The following SETD5 variants were observed in gnomAD, a reference collection of about 807,000 sequenced individuals.
The protein encoded by SETD5 is SET domain containing 5.
A neutral mutation model predicts 153.3 loss-of-function variants in SETD5; 44 were observed. The observed-to-expected ratio is 0.29, with a 90% CI of 0.23 to 0.37. The LOEUF is 0.37. SETD5 is among the 10% of genes least tolerant of loss of function. The probability of loss-of-function intolerance (pLI) is 1.00; values close to 1 mark genes in which losing one functional copy is unlikely to be tolerated. For missense variants in SETD5, 1,544 were observed against 1,768.0 expected, an observed-to-expected ratio of 0.87 and a Z score of 2.27; for synonymous variants, 716 against 645.2, an observed-to-expected ratio of 1.11 and a Z score of -1.66.
intron 1 of SETD5, among the ~76,000 whole-genome samples, chr3:9,401,336 A>G (rs2034738842): frequency 6.6e-6 from 1 of 152,238 alleles, no homozygotes. Context: ...TTAAGTTGCT[A>G]TATAAAATAA....
At chr3:9,460,498 A>G (rs2043827163) in intron 17 of SETD5, among the ~76,000 whole-genome samples, 1 of 151,644 alleles carries the variant, frequency 6.6e-6, no homozygotes, top group South Asian at 2.1e-4. Context: ...TTGCTAGAAT[A>G]GCTAAAATAT....
intron 1 of SETD5, among the ~76,000 whole-genome samples, chr3:9,405,368 C>T (rs1315342221): frequency 6.6e-6 from 1 of 152,026 alleles, no homozygotes; most frequent in African/African-American, 2.4e-5. Context: ...AAAAATTAGA[C>T]CTCTATGTAT....
chr3:9,417,501 C>G (rs1230305173), intron 1 of SETD5, among the ~76,000 whole-genome samples: 1 of 150,970 alleles, frequency 6.6e-6, no homozygotes, highest in Non-Finnish European at 1.5e-5. Flanking sequence ...TTTTTTTCCC[C>G]CCGAGACGGA....
chr3:9,463,042 A>G (rs2044168839), intron 17 of SETD5, among the ~76,000 whole-genome samples: 1 of 151,824 alleles, frequency 6.6e-6, no homozygotes, highest in Non-Finnish European at 1.5e-5. Context: ...GTTTTGAGAC[A>G]GTCTCCTCCC....
chr3:9,443,201 A>G (rs762891973), intron 10 of SETD5, 107 bp from the exon 11 acceptor site: 8 of 807,474 alleles, frequency 9.9e-6, no homozygotes, highest in South Asian at 1.5e-5. Flanking sequence ...CCTTAAATAA[A>G]TAATAGATTA....
intron 13 of SETD5, among the ~76,000 whole-genome samples, chr3:9,446,454 T>G (rs2042020443): frequency 6.6e-6 from 1 of 152,034 alleles, no homozygotes; most frequent in African/African-American, 2.4e-5. Flanking sequence ...ACTTTTATGC[T>G]GAAACCAATC....
At chr3:9,451,032 CATTT>C (rs1227876898) in intron 16 of SETD5, among the ~76,000 whole-genome samples, 2 of 152,090 alleles carry the variant, frequency 1.3e-5, no homozygotes, top group Non-Finnish European at 2.9e-5. Flanking sequence ...ATTTTAAAAA[CATTT>C]ATAAGTGGCC....
intron 1 of SETD5, among the ~76,000 whole-genome samples, chr3:9,411,157 CTT>C (rs2036517853): frequency 6.6e-6 from 1 of 152,122 alleles, no homozygotes; most frequent in African/African-American, 2.4e-5. Context: ...AATTCTCTCT[CTT>C]GAAATGCCAG....
At chr3:9,454,613 A>C (rs2042994205) in intron 17 of SETD5, among the ~76,000 whole-genome samples, 1 of 128,988 alleles carries the variant, frequency 7.8e-6, no homozygotes, top group African/African-American at 3.0e-5. Context: ...CAAGAATGAA[A>C]CTCCGTCTCA....
chr3:9,438,466 A>G (rs528277174), intron 7 of SETD5, among the ~76,000 whole-genome samples: 1 of 151,980 alleles, frequency 6.6e-6, no homozygotes, highest in East Asian at 1.9e-4. Flanking sequence ...CTGCACATAA[A>G]CCCCATATTT....
chr3:9,455,765 A>T (rs987205770), intron 17 of SETD5, among the ~76,000 whole-genome samples: 3 of 152,120 alleles, frequency 2.0e-5, no homozygotes, highest in African/African-American at 7.2e-5. Flanking sequence ...GGAACAGGAG[A>T]TTGCATAGCA....
intron 17 of SETD5, 171 bp downstream of exon 17, chr3:9,454,039 TC>T: frequency 1.5e-6 from 1 of 682,298 alleles, no homozygotes; most frequent in Non-Finnish European, 2.1e-6. Flanking sequence ...GGATCAGTTT[TC>T]CCAGGACGAC....
chr3:9,456,723 C>G (rs2043293184), intron 17 of SETD5, among the ~76,000 whole-genome samples: 1 of 152,050 alleles, frequency 6.6e-6, no homozygotes, highest in African/African-American at 2.4e-5. Flanking sequence ...GCCTGTAATC[C>G]CAGCACTTTG....
intron 20 of SETD5, 94 bp from the exon 21 acceptor site, chr3:9,474,355 G>C (rs534433889): frequency 1.4e-6 from 2 of 1,385,250 alleles, no homozygotes; most frequent in Non-Finnish European, 2.0e-6. Flanking sequence ...ATGTTTAAGA[G>C]GATGTTTTAA....
intron 1 of SETD5, among the ~76,000 whole-genome samples, chr3:9,399,443 T>C (rs953579762): frequency 1.3e-5 from 2 of 152,106 alleles, no homozygotes; most frequent in Non-Finnish European, 2.9e-5. Context: ...TTTTTTTTTC[T>C]ATTGGATTTC....
intron 14 of SETD5, 83 bp downstream of exon 14, chr3:9,447,390 G>T: frequency 6.6e-7 from 1 of 1,517,750 alleles, no homozygotes. Flanking sequence ...TTTAAAATCA[G>T]TGTTTTCAGC....
intron 1 of SETD5, among the ~76,000 whole-genome samples, chr3:9,416,963 A>G (rs533885300): frequency 1.3e-4 from 20 of 152,256 alleles, no homozygotes; most frequent in African/African-American, 4.3e-4. Context: ...GATAAAAAAT[A>G]AAAGCATGAA....
chr3:9,450,810 CT>C (rs2042538526), intron 16 of SETD5, among the ~76,000 whole-genome samples: 1 of 152,160 alleles, frequency 6.6e-6, no homozygotes, highest in Admixed American at 6.5e-5. Context: ...AAGTTAAAAA[CT>C]TACCAGTATA....
At position 9,448,374 on chromosome 3, in the gene SETD5, C is replaced by CT; in HGVS notation, c.2104-8dup. Reference sequence around the variant, plus strand: ...CTCTTGATTTATAAACTAATGATCTCTTTTTTACCTTAGTATCTAGTTACA... The same window carrying CT: ...CTCTTGATTTATAAACTAATGATCTCTTTTTTTACCTTAGTATCTAGTTACA... On this transcript the variant is annotated splice_polypyrimidine_tract_variant and intron_variant, in intron 15 of 22. Transcript: ENST00000402198. 4 of 1,613,016 alleles carry CT rather than the reference C, an allele frequency of 2.5e-6. No individual in the cohort carries two copies. The highest frequency in any genetic ancestry group is 3.4e-6 in the Non-Finnish European group (4 of 1,179,330).
Sources: gnomAD v4.1 joint callset for allele counts (sites outside exome capture counted in the v4.1 genomes callset) on GRCh38, gnomAD v4.1.1 for gene constraint, MANE v1.5 for transcripts, NCBI Gene and HGNC (gene_info 2026-07-23, HGNC 2026-07-21) for gene names.